REDIC1: variants seen among roughly 807,000 people sequenced by gnomAD.
The protein encoded by REDIC1 is regulator of DNA class I crossover intermediates 1.
the REDIC1 span, among the ~76,000 whole-genome samples, chr12:39,709,975 C>G: frequency 2.0e-5 from 3 of 151,670 alleles, no homozygotes; most frequent in Non-Finnish European, 4.4e-5. Flanking sequence ...TACATCCTTG[C>G]CAATATTTAT....
the REDIC1 span, among the ~76,000 whole-genome samples, chr12:39,671,824 C>T: frequency 6.6e-6 from 1 of 151,988 alleles, no homozygotes; most frequent in African/African-American, 2.4e-5. Flanking sequence ...GGGGAGATCT[C>T]CAGGCCTCTG....
At chr12:39,851,551 G>A in the REDIC1 span, among the ~76,000 whole-genome samples, 3 of 152,140 alleles carry the variant, frequency 2.0e-5, no homozygotes, top group Non-Finnish European at 4.4e-5. Flanking sequence ...GTTTGGTCTA[G>A]GCTAAAATTA....
chr12:39,848,497 G>A, the REDIC1 span, among the ~76,000 whole-genome samples: 2 of 152,092 alleles, frequency 1.3e-5, no homozygotes, highest in African/African-American at 4.8e-5. Flanking sequence ...CAGTCAGAAT[G>A]GCTATTATTA....
At chr12:39,789,327 G>C in the REDIC1 span, among the ~76,000 whole-genome samples, 1 of 151,956 alleles carries the variant, frequency 6.6e-6, no homozygotes, top group Non-Finnish European at 1.5e-5. Flanking sequence ...TTTATTACTT[G>C]TTTAATTTCT....
the REDIC1 span, among the ~76,000 whole-genome samples, chr12:39,886,938 G>A: frequency 2.0e-5 from 3 of 152,122 alleles, no homozygotes; most frequent in Admixed American, 2.0e-4. Context: ...AAATCATTCA[G>A]TCATCAAAAA....
chr12:39,822,926 TAAATTACTCAG>T, the REDIC1 span, among the ~76,000 whole-genome samples: 2 of 152,220 alleles, frequency 1.3e-5, no homozygotes, highest in African/African-American at 4.8e-5. Flanking sequence ...ACGAGGGAGA[TAAATTACTCAG>T]AAGTGTTTTG....
the REDIC1 span, among the ~76,000 whole-genome samples, chr12:39,660,852 T>C: frequency 1.3e-5 from 2 of 152,118 alleles, no homozygotes; most frequent in East Asian, 1.9e-4. Flanking sequence ...CTCTGGTAAC[T>C]ATCATTCTAC....
the REDIC1 span, among the ~76,000 whole-genome samples, chr12:39,801,837 C>T: frequency 6.6e-6 from 1 of 152,106 alleles, no homozygotes; most frequent in Non-Finnish European, 1.5e-5. Flanking sequence ...GAAGAAGATT[C>T]TTGGGCTACT....
the REDIC1 span, chr12:39,755,930 A>C: frequency 6.6e-6 from 1 of 152,032 alleles, no homozygotes; most frequent in Non-Finnish European, 1.5e-5. Flanking sequence ...GCACACAAAA[A>C]TTTCCTTCTC....
At chr12:39,673,650 T>G in the REDIC1 span, among the ~76,000 whole-genome samples, 1 of 152,234 alleles carries the variant, frequency 6.6e-6, no homozygotes, top group East Asian at 1.9e-4. Context: ...TATTCCTGTT[T>G]TCATGTATCT....
At chr12:39,895,141 C>G in the REDIC1 span, among the ~76,000 whole-genome samples, 1 of 151,982 alleles carries the variant, frequency 6.6e-6, no homozygotes, top group African/African-American at 2.4e-5. Flanking sequence ...GTACCTGGGA[C>G]TACAGGTGCA....
the REDIC1 span, among the ~76,000 whole-genome samples, chr12:39,873,174 T>C: frequency 1.3e-5 from 2 of 152,148 alleles, no homozygotes; most frequent in Admixed American, 6.5e-5. Context: ...ACCAAACCTA[T>C]AAATTAACTA....
At chr12:39,798,272 C>T in the REDIC1 span, among the ~76,000 whole-genome samples, 1 of 152,196 alleles carries the variant, frequency 6.6e-6, no homozygotes, top group Non-Finnish European at 1.5e-5. Context: ...ATGAGAGATA[C>T]CACCACAGAG....
chr12:39,787,932 T>G, the REDIC1 span, among the ~76,000 whole-genome samples: 2 of 152,196 alleles, frequency 1.3e-5, no homozygotes, highest in African/African-American at 4.8e-5. Context: ...ACCTACAAAA[T>G]GTACTTGGTA....
the REDIC1 span, among the ~76,000 whole-genome samples, chr12:39,810,216 C>T: frequency 2.6e-5 from 4 of 152,120 alleles, no homozygotes; most frequent in African/African-American, 4.8e-5. Context: ...TAATTTCACT[C>T]GGTAATATTT....
At chr12:39,831,558 A>G in the REDIC1 span, among the ~76,000 whole-genome samples, 1 of 152,214 alleles carries the variant, frequency 6.6e-6, no homozygotes, top group Non-Finnish European at 1.5e-5. Flanking sequence ...TAAATATGAA[A>G]GCACTGGTGA....
the REDIC1 span, among the ~76,000 whole-genome samples, chr12:39,815,678 CT>C: frequency 7.9e-5 from 12 of 152,238 alleles, no homozygotes; most frequent in South Asian, 2.3e-3. Context: ...GAAAGCAGTT[CT>C]ACTAAAGGGC....
At chr12:39,631,071 G>T in the REDIC1 span, among the ~76,000 whole-genome samples, 4 of 152,114 alleles carry the variant, frequency 2.6e-5, no homozygotes, top group Non-Finnish European at 2.9e-5. Context: ...TGTATTTTTA[G>T]TAGAGATGGG....
chr12:39,829,801 C>G, the REDIC1 span: 5,465 of 342,638 alleles, frequency 0.016, 75 homozygotes, highest in Middle Eastern at 0.02. Context: ...AAACAATATG[C>G]AGTGGGAGAA....
Sources: allele counts gnomAD v4.1 joint callset (sites outside exome capture counted in the v4.1 genomes callset), GRCh38; gene constraint gnomAD v4.1.1; transcripts MANE v1.5; gene names NCBI Gene and HGNC (gene_info 2026-07-23, HGNC 2026-07-21).